Variants in RASEF observed in about 807,000 individuals in gnomAD.
The protein encoded by RASEF is ras and EF-hand domain-containing protein.
A neutral mutation model predicts 90.1 loss-of-function variants in RASEF; 68 were observed. The observed-to-expected ratio is 0.75, with a 90% confidence interval of 0.62 to 0.92. The LOEUF is 0.92. Among genes scored for constraint, RASEF ranks in the 40% least tolerant of loss-of-function variants. RASEF has a pLI of 0.00. For synonymous variants in RASEF, 331 were observed against 345.2 expected (o/e 0.96, Z 0.46); for missense variants, 949 against 937.2 (o/e 1.01, Z -0.16).
At chr9:83,075,957 C>T in the RASEF span, among the ~76,000 whole-genome samples, 5 of 152,030 alleles carry the variant, frequency 3.3e-5, no homozygotes, top group Non-Finnish European at 7.4e-5. Context: ...ATCACAAGGT[C>T]AGGAGATTGA....
At chr9:83,077,682 TATC>T in the RASEF span, among the ~76,000 whole-genome samples, 1 of 152,200 alleles carries the variant, frequency 6.6e-6, no homozygotes, top group Admixed American at 6.5e-5. Context: ...ATTACCGTGT[TATC>T]ATCATCATGT....
At chr9:83,159,465 C>G in the RASEF span, among the ~76,000 whole-genome samples, 1 of 152,014 alleles carries the variant, frequency 6.6e-6, no homozygotes, top group Non-Finnish European at 1.5e-5. Context: ...ATTATAAAAA[C>G]AAGGCTTATG....
At chr9:83,197,806 G>A in the RASEF span, among the ~76,000 whole-genome samples, 1 of 152,194 alleles carries the variant, frequency 6.6e-6, no homozygotes, top group African/African-American at 2.4e-5. Flanking sequence ...AGGCCAGTTG[G>A]TTTATTAACG....
At chr9:83,144,384 AAAGAAAGG>A in the RASEF span, among the ~76,000 whole-genome samples, 28 of 49,942 alleles carry the variant, frequency 5.6e-4, 3 homozygotes, top group South Asian at 4.7e-3. Context: ...AGAAAGAAAG[AAAGAAAGG>A]AAAGAAAGAA....
chr9:83,018,093 T>C (rs747275376), intron 3 of RASEF, among the ~76,000 whole-genome samples: 44 of 152,248 alleles, frequency 2.9e-4, no homozygotes, highest in Non-Finnish European at 4.9e-4. Flanking sequence ...ACTACTAACA[T>C]CACATTCAAT....
chr9:83,013,939 G>T (rs577593752), intron 4 of RASEF, among the ~76,000 whole-genome samples: 4 of 152,162 alleles, frequency 2.6e-5, no homozygotes, highest in Non-Finnish European at 5.9e-5. Context: ...GTGCTTCAGG[G>T]AAAAATGGGT....
At chr9:83,020,010 G>C (rs994624179) in intron 3 of RASEF, among the ~76,000 whole-genome samples, 1 of 152,128 alleles carries the variant, frequency 6.6e-6, no homozygotes, top group Admixed American at 6.6e-5. Context: ...TTGCCTGTGG[G>C]AATGGTTTCA....
At chr9:83,072,900 A>C in the RASEF span, among the ~76,000 whole-genome samples, 1 of 152,178 alleles carries the variant, frequency 6.6e-6, no homozygotes, top group Non-Finnish European at 1.5e-5. Flanking sequence ...TTGGCACTCA[A>C]CCATCACAGC....
the RASEF span, among the ~76,000 whole-genome samples, chr9:83,081,768 C>G: frequency 6.6e-6 from 1 of 152,092 alleles, no homozygotes; most frequent in Non-Finnish European, 1.5e-5. Context: ...CAAGGAGATA[C>G]CAGCATCTCC....
chr9:83,167,290 G>A, the RASEF span, among the ~76,000 whole-genome samples: 1 of 151,282 alleles, frequency 6.6e-6, no homozygotes, highest in East Asian at 1.9e-4. Flanking sequence ...GACCTGAGTG[G>A]GTGGAGACTG....
At chr9:82,990,144 G>A (rs1423286478) in intron 16 of RASEF, among the ~76,000 whole-genome samples, 1 of 152,086 alleles carries the variant, frequency 6.6e-6, no homozygotes, top group African/African-American at 2.4e-5. Flanking sequence ...TAGCTTTGTG[G>A]TGACATTTTT....
chr9:83,048,450 C>A, intron 1 of RASEF: 7 of 985,204 alleles, frequency 7.1e-6, no homozygotes, highest in Non-Finnish European at 8.4e-6. Flanking sequence ...AGAGGGAAAC[C>A]AGCCAAGCAA....
chr9:83,070,956 A>G, the RASEF span, among the ~76,000 whole-genome samples: 1 of 152,194 alleles, frequency 6.6e-6, no homozygotes, highest in Non-Finnish European at 1.5e-5. Context: ...GATTTTTATA[A>G]TGATGAACTT....
At chr9:83,196,030 G>A in the RASEF span, among the ~76,000 whole-genome samples, 17 of 152,086 alleles carry the variant, frequency 1.1e-4, no homozygotes, top group African/African-American at 3.4e-4. Flanking sequence ...CACGGCACAC[G>A]AAAGAGAAGA....
At chr9:83,090,404 C>T in the RASEF span, among the ~76,000 whole-genome samples, 1 of 150,726 alleles carries the variant, frequency 6.6e-6, no homozygotes, top group Non-Finnish European at 1.5e-5. Flanking sequence ...GTGTATGAGC[C>T]ATACTTTTTT....
At chr9:82,998,311 A>C (rs1828958223) in intron 13 of RASEF, 54 bp downstream of exon 13, 15 of 1,085,744 alleles carry the variant, frequency 1.4e-5, no homozygotes, top group Middle Eastern at 4.0e-4. Flanking sequence ...AGTGGCCTGC[A>C]AGGCTTGTTA....
Position 83,059,005 on chromosome 9 carries a change from G to A in RASEF, c.431+3432C>T, listed in dbSNP as rs560101020. 1.2e-3 allele frequency among the ~76,000 whole-genome samples: 188 copies of A among 152,218 alleles called. 2 individuals are homozygous for A. Among genetic ancestry groups the A allele is most frequent in the Non-Finnish European group, 5.6e-4 (38 of 68,008 alleles). On this transcript the variant is annotated intron_variant, in intron 1 of 16. Coordinates refer to ENST00000376447, the MANE Select transcript of RASEF (RefSeq NM_152573.4). The stretch of plus-strand genomic sequence containing the variant: ...TGCCACACCCTCAGGTACCTGACCT[G>A]AGGCTGTCCCTCCTTTGGATACTTT...
chr9:83,058,172 CTTTT>C (rs555842009), intron 1 of RASEF, among the ~76,000 whole-genome samples: 5 of 57,898 alleles, frequency 8.6e-5, no homozygotes, highest in Admixed American at 4.3e-4. Context: ...GTATTTATGT[CTTTT>C]TTTTTTTTTT....
chr9:83,160,466 G>C, the RASEF span, among the ~76,000 whole-genome samples: 6 of 152,096 alleles, frequency 3.9e-5, no homozygotes, highest in African/African-American at 1.2e-4. Context: ...AGATGATTTA[G>C]GGTTGGTGGA....
Sources: allele counts gnomAD v4.1 joint callset (sites outside exome capture counted in the v4.1 genomes callset), GRCh38; gene constraint gnomAD v4.1.1; transcripts MANE v1.5; gene names NCBI Gene and HGNC (gene_info 2026-07-23, HGNC 2026-07-21).